Variants in LTV1 observed in about 807,000 individuals in gnomAD.
LTV1 encodes protein LTV1 homolog.
A neutral mutation model predicts 59.9 loss-of-function variants in LTV1; 39 were observed. That is an observed-to-expected ratio of 0.65 (90% CI 0.50 to 0.85). LTV1 has a LOEUF of 0.85. Among genes scored for constraint, LTV1 ranks in the 40% least tolerant of loss-of-function variants. The pLI, the probability that LTV1 is intolerant of heterozygous loss-of-function variation, is 0.00. For synonymous variants in LTV1, 171 were observed against 189.5 expected (o/e 0.90, Z 0.80); for missense variants, 493 against 549.1 (o/e 0.90, Z 1.02).
rs138269652 is a variant in LTV1, at chr6:143,845,680, C to T, written c.136-371C>T. Among the ~76,000 whole-genome samples the T allele has an allele frequency of 1.2e-4, 18 of 152,320 alleles. No homozygotes were observed. The East Asian group carries it at 3.3e-3, about 28-fold the overall frequency. On this transcript the variant is annotated intron_variant, in intron 2 of 10. Transcript: ENST00000367576. ...GGCATGAGCCACTGCACCTGGCCCC[C>T]CAGGTCTTTTCTTATAACCCTCCAA...
At chr6:143,859,965 T>TG (rs377551297) in intron 6 of LTV1, among the ~76,000 whole-genome samples, 2 of 152,180 alleles carry the variant, frequency 1.3e-5, no homozygotes, top group African/African-American at 4.8e-5. Flanking sequence ...TGGCCTGGTA[T>TG]GGTGGCATGT....
At position 143,858,338 on chromosome 6, in the gene LTV1, AG is replaced by A. The variant is rs574649047; in HGVS notation, c.795+332del. 1.4e-4 allele frequency: 35 copies of A among 247,858 alleles called. No homozygotes were observed. The East Asian group carries it at 2.8e-3, about 20-fold the overall frequency. 15.4% of individuals were successfully genotyped at this position (247,858 alleles called of 1,614,324 possible). ...CATTCAACCTGAATGGGTAACCAAA[AG>A]TAGCTGTAATAGTTTTATTCTCACT... On this transcript the variant is annotated intron_variant, in intron 6 of 10. Transcript: ENST00000367576.
At chr6:143,847,428 C>G (rs140012573) in intron 3 of LTV1, among the ~76,000 whole-genome samples, 2 of 152,354 alleles carry the variant, frequency 1.3e-5, no homozygotes, top group African/African-American at 2.4e-5. Context: ...GTGGCACGAT[C>G]TCGGCTCACC....
In LTV1 at chr6:143,857,612, C is replaced by T. The variant is rs1013204346; in HGVS notation, c.540-140C>T. 6.3e-6 allele frequency: 7 copies of T among 1,111,396 alleles called. No individual in the cohort carries two copies. The Admixed American group carries it at 6.4e-5, about 10-fold the overall frequency. The allele number at this position is 1,111,396 out of a possible 1,614,324, so 68.8% of individuals were successfully genotyped here. A position where few individuals can be genotyped will look rare whatever the true frequency, so the allele number is the denominator to read the frequency against. On this transcript the variant is annotated intron_variant, in intron 5 of 10. Coordinates refer to ENST00000367576, the MANE Select transcript of LTV1 (RefSeq NM_032860.5). This position sits in a 1 kb window ranked among gnomAD's most constrained non-coding sequence, Gnocchi z 5.2. ...AGATTCATTGCTTTTCCTACCAAACCAGATTGATCAAACACCCTCACTCTT... is the reference window on the plus strand; with the variant it reads ...AGATTCATTGCTTTTCCTACCAAACTAGATTGATCAAACACCCTCACTCTT...
Position 143,863,222 on chromosome 6 carries a change from G to A in LTV1, c.1253G>A (p.Arg418His), listed in dbSNP as rs770665905. ...CTTCCTAAAGTATCAACTCAGCCACGTTCTAAAAATGAAAGCAAAGAAGAT... is the reference window on the plus strand; with the variant it reads ...CTTCCTAAAGTATCAACTCAGCCACATTCTAAAAATGAAAGCAAAGAAGAT... Reference protein sequence around the residue: ...SDLPKVSTQPRSKNESKEDKR... With the variant: ...SDLPKVSTQPHSKNESKEDKR... The change falls in exon 10 of 11, where the codon CGT becomes CAT. Residue 418 changes from arginine to histidine, a missense_variant. Physicochemically the swap from Arg to His is conservative, Grantham distance 29 (BLOSUM62 0). Transcript: ENST00000367576. This position sits in a 1 kb window ranked among gnomAD's most constrained non-coding sequence, Gnocchi z 4.5. 40 of 1,613,840 alleles carry A rather than the reference G, an allele frequency of 2.5e-5. No homozygotes were observed. The highest frequency in any genetic ancestry group is 4.5e-5 in the East Asian group (2 of 44,848).
Position 143,844,530 on chromosome 6 carries a change from G to T in LTV1, c.48G>T (p.Val16=). The T allele has an allele frequency of 6.2e-7, 1 of 1,614,072 alleles. No homozygotes were observed. The highest frequency in any genetic ancestry group is 8.5e-7 in the Non-Finnish European group (1 of 1,179,998). ...CCTTTATAGAGAAGAAGAAAGCTGT[G>T]TCTTTTCACTTGGTCCACCGGAGCC... ...KKPFIEKKKA[V]SFHLVHRSQR... Residue 16 remains valine, a synonymous_variant, in exon 2 of 11, where the codon GTG becomes GTT. Coordinates refer to ENST00000367576, the MANE Select transcript of LTV1 (RefSeq NM_032860.5).
intron 4 of LTV1, among the ~76,000 whole-genome samples, chr6:143,856,194 C>T (rs374301188): frequency 2.6e-4 from 39 of 152,270 alleles, no homozygotes; most frequent in African/African-American, 8.4e-4. Context: ...GATCTTCAAT[C>T]GCTGATGTCC....
chr6:143,857,576 C>A lies in LTV1; in HGVS notation c.539+132C>A, dbSNP rs773519510. 1 of 1,098,290 alleles carries A rather than the reference C, an allele frequency of 9.1e-7. No homozygotes were observed. Among genetic ancestry groups the A allele is most frequent in the Non-Finnish European group, 1.3e-6 (1 of 747,736 alleles). The allele number at this position is 1,098,290 out of a possible 1,614,324, so 68.0% of individuals were successfully genotyped here. On this transcript the variant is annotated intron_variant, in intron 5 of 10. Transcript: ENST00000367576. This position sits in a 1 kb window ranked among gnomAD's most constrained non-coding sequence, Gnocchi z 5.2. ...AATCTGAGACTTCTGTATTTTAGAG[C>A]AGAAAATGTGAGATTCATTGCTTTT...
In LTV1 at chr6:143,850,209, C is replaced by A. The variant is rs1776960493; in HGVS notation, c.388C>A (p.Pro130Thr). Reference protein sequence around the residue: ...EDVGLLNKAAPVSGPRLDFDP... With the variant: ...EDVGLLNKAATVSGPRLDFDP... ...TGTTGGATTGTTAAATAAAGCAGCT[C>A]CAGTTTCAGGTATTTTTAATTGCTT... The change falls in exon 4 of 11, where the codon CCA becomes ACA. Residue 130 changes from proline to threonine, a missense_variant. Transcript: ENST00000367576. The A allele has an allele frequency of 1.2e-6, 2 of 1,611,980 alleles. No individual in the cohort carries two copies. The highest frequency in any genetic ancestry group is 1.7e-6 in the Non-Finnish European group (2 of 1,178,752).
chr6:143,863,390 A>AC lies in LTV1; in HGVS notation c.1318-26dup, dbSNP rs754460369. On this transcript the variant is annotated intron_variant, in intron 10 of 10. Transcript: ENST00000367576. This position sits in a 1 kb window ranked among gnomAD's most constrained non-coding sequence, Gnocchi z 4.5. The stretch of plus-strand genomic sequence containing the variant: ...GTATCAGTTTAAAGATGTGAATAAT[A>AC]CAAGTATATTCTTGTACTTATAACA... 1.9e-6 allele frequency: 3 copies of AC among 1,598,950 alleles called. No homozygotes were observed. In the South Asian group the frequency reaches 3.3e-5, roughly 18 times the overall value.
chr6:143,863,139 A>G lies in LTV1; in HGVS notation c.1170A>G (p.Pro390=), dbSNP rs374842301. ...CAGGAATACCTCTCAATGTCTTACC[A>G]AAGAAAGGACTCACAGCAAAGCAAA... is the stretch of plus-strand genomic sequence containing the variant. ...SKTGIPLNVL[P]KKGLTAKQTE... The change falls in exon 10 of 11, where the codon CCA becomes CCG. Residue 390 remains proline (P), a synonymous_variant. Coordinates refer to ENST00000367576, the MANE Select transcript of LTV1 (RefSeq NM_032860.5). This position sits in a 1 kb window ranked among gnomAD's most constrained non-coding sequence, Gnocchi z 4.5. The G allele has an allele frequency of 2.8e-4, 445 of 1,614,038 alleles. 10 individuals carry two copies. The South Asian group carries it at 4.6e-3, about 17-fold the overall frequency.
intron 4 of LTV1, among the ~76,000 whole-genome samples, chr6:143,851,031 G>A (rs1776973594): frequency 6.6e-6 from 1 of 152,060 alleles, no homozygotes; most frequent in Admixed American, 6.5e-5. Context: ...GAAGGAGGGG[G>A]AGGGGTGGGG....
chr6:143,862,192 A>G lies in LTV1; in HGVS notation c.1012A>G (p.Thr338Ala), dbSNP rs1777176138. Residue 338 changes from threonine to alanine, a missense_variant, in exon 8 of 11, where the codon ACT becomes GCT. Coordinates refer to ENST00000367576, the MANE Select transcript of LTV1 (RefSeq NM_032860.5). This position sits in a 1 kb window ranked among gnomAD's most constrained non-coding sequence, Gnocchi z 4.2. ...LDESEEEEMI[T>A]VVLEEAKEKW... ...TGAGTCTGAGGAGGAAGAAATGATT[A>G]CTGTAGTCCTTGAAGAAGCCAAAGA... 2.5e-6 allele frequency: 4 copies of G among 1,613,842 alleles called. No homozygotes were observed. Among genetic ancestry groups the G allele is most frequent in the South Asian group, 1.1e-5 (1 of 91,072 alleles).
At position 143,855,197 on chromosome 6, in the gene LTV1, G is replaced by T. The variant is rs1241184306; in HGVS notation, c.398-2106G>T. ...GTTGCATTGTTCCCTTTACTATTAT[G>T]TAATGCCCTTCTTTGTGTTTTTTGA... On this transcript the variant is annotated intron_variant, in intron 4 of 10. Coordinates refer to ENST00000367576, the MANE Select transcript of LTV1 (RefSeq NM_032860.5). This position sits in a 1 kb window ranked among gnomAD's most constrained non-coding sequence, Gnocchi z 4.6. Among the ~76,000 whole-genome samples the T allele has an allele frequency of 6.6e-6, 1 of 152,140 alleles. No homozygotes were observed. The highest frequency in any genetic ancestry group is 1.9e-4 in the East Asian group (1 of 5,194).
chr6:143,861,941 G>A (rs1777170868), intron 7 of LTV1, among the ~76,000 whole-genome samples, 163 bp from the exon 8 acceptor site: 1 of 152,156 alleles, frequency 6.6e-6, no homozygotes, highest in African/African-American at 2.4e-5. Flanking sequence ...AGGCAGGGCT[G>A]GGTAGAACAG....
intron 7 of LTV1, among the ~76,000 whole-genome samples, chr6:143,861,363 A>G (rs1777161381): frequency 6.6e-6 from 1 of 151,650 alleles, no homozygotes. Flanking sequence ...TGAACCTGGA[A>G]GGCAGAGGTT....
rs1777049406 is a variant in LTV1, at chr6:143,855,022, A to T, written c.398-2281A>T. Among the ~76,000 whole-genome samples, 1 of 152,126 alleles carries T rather than the reference A, an allele frequency of 6.6e-6. No individual in the cohort carries two copies. Among genetic ancestry groups the T allele is most frequent in the Admixed American group, 6.6e-5 (1 of 15,262 alleles). ...TCCTTGTGAATTTTCTGTCTCGTTG[A>T]TCTGTCTAATATTGACAGTGGGGTG... On this transcript the variant is annotated intron_variant, in intron 4 of 10. Transcript: ENST00000367576. The surrounding 1 kb of genome is among the most constrained non-coding windows in gnomAD (Gnocchi z 4.6).
In LTV1 at chr6:143,855,648, A is replaced by C. The variant is rs925224121; in HGVS notation, c.398-1655A>C. Among the ~76,000 whole-genome samples the C allele has an allele frequency of 6.6e-6, 1 of 152,188 alleles. No individual in the cohort carries two copies. The highest frequency in any genetic ancestry group is 1.5e-5 in the Non-Finnish European group (1 of 68,032). On this transcript the variant is annotated intron_variant, in intron 4 of 10. Transcript: ENST00000367576. The surrounding 1 kb of genome is among the most constrained non-coding windows in gnomAD (Gnocchi z 4.6). ...TGTAAGGCAGGCCTGGTGGTGACAAAATCTCTCAGCATTTGCTTATCTGGA... is the reference window on the plus strand; with the variant it reads ...TGTAAGGCAGGCCTGGTGGTGACAACATCTCTCAGCATTTGCTTATCTGGA...
chr6:143,849,226 C>A (rs1344796122), intron 3 of LTV1, among the ~76,000 whole-genome samples: 1 of 152,128 alleles, frequency 6.6e-6, no homozygotes, highest in Non-Finnish European at 1.5e-5. Flanking sequence ...AGAGTGAAAT[C>A]ACTGTATGTA....
Sources: gnomAD v4.1 joint callset for allele counts (sites outside exome capture counted in the v4.1 genomes callset) on GRCh38, gnomAD v4.1.1 for gene constraint, Gnocchi (gnomAD v3.1) non-coding constraint, MANE v1.5 for transcripts, NCBI Gene and HGNC (gene_info 2026-07-23, HGNC 2026-07-21) for gene names.